Variants in MYOF observed in about 807,000 individuals in gnomAD.
The protein encoded by MYOF is fer-1-like 3, myoferlin.
MYOF carries 244 observed loss-of-function variants against 284.2 expected under a neutral mutation model. The ratio of observed to expected loss-of-function variants is 0.86; its 90% CI spans 0.77 to 0.95. MYOF has a LOEUF of 0.95. MYOF is among the 40% of genes least tolerant of loss of function. The pLI, the probability that MYOF is intolerant of heterozygous loss-of-function variation, is 0.00. For missense variants in MYOF, 2,496 were observed against 2,560.6 expected, an observed-to-expected ratio of 0.97 and a Z score of 0.54; for synonymous variants, 904 against 919.7, an observed-to-expected ratio of 0.98 and a Z score of 0.31.
intron 29 of MYOF, among the ~76,000 whole-genome samples, chr10:93,357,979 T>C (rs989941094): frequency 2.2e-4 from 33 of 152,316 alleles, no homozygotes; most frequent in African/African-American, 7.9e-4. Context: ...AAAGAGCTTC[T>C]ACACAGCAAA....
chr10:93,408,754 A>G (rs369356764), intron 7 of MYOF, 33 bp downstream of exon 7: 1 of 1,613,510 alleles, frequency 6.2e-7, no homozygotes, highest in African/African-American at 1.3e-5. Flanking sequence ...AGTGGGACTC[A>G]TGAGCAGAAA....
chr10:93,404,106 G>T, intron 8 of MYOF, 33 bp from the exon 9 acceptor site: 1 of 1,613,828 alleles, frequency 6.2e-7, no homozygotes, highest in South Asian at 1.1e-5. Context: ...AGAAATGATT[G>T]GCTTTGCCTG....
chr10:93,363,467 A>T (rs978225444), intron 27 of MYOF, among the ~76,000 whole-genome samples: 2 of 152,148 alleles, frequency 1.3e-5, no homozygotes, highest in Admixed American at 1.3e-4. Context: ...GGAGTTCAAG[A>T]CCCGCATGGG....
rs1398210993 is a variant in MYOF at position 93,406,305 on chromosome 10, T to C, written c.730-2086A>G. ...AACCTCTTTTATATATATATATATA[T>C]ATATATATATATTTGTTTTTATCAT... On this transcript the variant is annotated intron_variant, in intron 7 of 53. Transcript: ENST00000359263. Among the ~76,000 whole-genome samples, 5 of 115,900 alleles carry C rather than the reference T, an allele frequency of 4.3e-5. 1 individual carries two copies. The highest frequency in any genetic ancestry group is 5.7e-5 in the Non-Finnish European group (3 of 52,258). The allele number at this position is 115,900 out of a possible 152,430, so 76.0% of individuals were successfully genotyped here.
At chr10:93,473,426 C>A (rs540900597) in intron 1 of MYOF, among the ~76,000 whole-genome samples, 4 of 152,336 alleles carry the variant, frequency 2.6e-5, no homozygotes, top group African/African-American at 7.2e-5. Context: ...GCTGCCACTG[C>A]AGTTGGATGT....
intron 31 of MYOF, among the ~76,000 whole-genome samples, chr10:93,354,181 G>A (rs1844673190): frequency 1.3e-5 from 2 of 152,130 alleles, no homozygotes; most frequent in African/African-American, 4.8e-5. Context: ...TAGGAGACCA[G>A]CCTGGTCAAC....
At chr10:93,392,823 G>T (rs1406127262) in intron 17 of MYOF, 94 bp downstream of exon 17, 2 of 1,202,168 alleles carry the variant, frequency 1.7e-6, no homozygotes, top group African/African-American at 1.5e-5. Context: ...ACAGCAAAAT[G>T]TCAAAAAAAA....
intron 36 of MYOF, 109 bp downstream of exon 36, chr10:93,349,699 T>C: frequency 7.6e-7 from 1 of 1,320,384 alleles, no homozygotes; most frequent in Non-Finnish European, 1.0e-6. Context: ...GCAGGGTTTT[T>C]CTATTTGTCA....
chr10:93,427,100 C>G (rs530770535), intron 4 of MYOF, among the ~76,000 whole-genome samples: 102 of 150,888 alleles, frequency 6.8e-4, no homozygotes, highest in African/African-American at 2.2e-3. Context: ...GTTGGCCAGG[C>G]TGGTTTCGAT....
intron 45 of MYOF, among the ~76,000 whole-genome samples, chr10:93,327,741 G>A (rs1273019154): frequency 6.6e-6 from 1 of 151,990 alleles, no homozygotes; most frequent in East Asian, 1.9e-4. Context: ...AAAATGGAAA[G>A]ACAAAACATA....
intron 53 of MYOF, among the ~76,000 whole-genome samples, chr10:93,309,169 A>C (rs1356227561): frequency 6.6e-6 from 1 of 152,160 alleles, no homozygotes; most frequent in Non-Finnish European, 1.5e-5. Context: ...GAACTGTCTT[A>C]GCAGGGGGTG....
chr10:93,386,979 C>T (rs1363447925), intron 19 of MYOF, among the ~76,000 whole-genome samples: 1 of 152,124 alleles, frequency 6.6e-6, no homozygotes, highest in Non-Finnish European at 1.5e-5. Context: ...AGACAGGCTG[C>T]GAGTAGACAG....
chr10:93,408,657 TG>T, intron 7 of MYOF, 129 bp downstream of exon 7: 2 of 1,254,314 alleles, frequency 1.6e-6, no homozygotes, highest in Non-Finnish European at 2.2e-6. Flanking sequence ...TGCGTTCACA[TG>T]GTCACACCTA....
At chr10:93,391,895 A>G (rs1448962042) in intron 17 of MYOF, among the ~76,000 whole-genome samples, 1 of 152,216 alleles carries the variant, frequency 6.6e-6, no homozygotes, top group Non-Finnish European at 1.5e-5. Flanking sequence ...TAGTTTCTAG[A>G]ATCCTACATA....
chr10:93,326,685 C>T (rs1044344344), intron 45 of MYOF, among the ~76,000 whole-genome samples: 4 of 152,166 alleles, frequency 2.6e-5, no homozygotes, highest in South Asian at 2.1e-4. Flanking sequence ...AGTGCAATGG[C>T]GTGATCTCGG....
intron 10 of MYOF, 34 bp from the exon 11 acceptor site, chr10:93,402,381 T>C (rs1182993817): frequency 1.3e-6 from 2 of 1,522,870 alleles, no homozygotes; most frequent in Non-Finnish European, 1.8e-6. Flanking sequence ...GAAATGGACA[T>C]GCTAAAAAGG....
chr10:93,356,087 C>G (rs1392439741), intron 30 of MYOF, among the ~76,000 whole-genome samples: 1 of 152,136 alleles, frequency 6.6e-6, no homozygotes, highest in African/African-American at 2.4e-5. Flanking sequence ...CAGCAGAATA[C>G]TGTGGGGTCA....
chr10:93,437,732 C>A (rs1375751955), intron 3 of MYOF, among the ~76,000 whole-genome samples: 1 of 152,168 alleles, frequency 6.6e-6, no homozygotes, highest in Admixed American at 6.5e-5. Flanking sequence ...TCTCAGTTGG[C>A]CGTGCCTTGT....
At chr10:93,310,234 AAC>A (rs1170822380) in intron 52 of MYOF, 67 bp from the exon 53 acceptor site, 1 of 1,550,214 alleles carries the variant, frequency 6.5e-7, no homozygotes, top group Non-Finnish European at 8.8e-7. Context: ...TCCAGAGCAT[AAC>A]ACAGTTTCAG....
Sources: allele counts gnomAD v4.1 joint callset (sites outside exome capture counted in the v4.1 genomes callset), GRCh38; gene constraint gnomAD v4.1.1; transcripts MANE v1.5; gene names NCBI Gene and HGNC (gene_info 2026-07-23, HGNC 2026-07-21).